SYT10: variants seen among roughly 807,000 people sequenced by gnomAD.
SYT10 encodes synaptotagmin-10.
In SYT10, 31 loss-of-function variants were observed where a neutral mutation model predicts 51.1. That is an observed-to-expected ratio of 0.61 (90% confidence interval 0.46 to 0.82). The LOEUF is 0.82. Ranked by LOEUF, SYT10 falls within the 40% of genes least tolerant of loss-of-function variation. The pLI is 0.00. For synonymous variants in SYT10, 233 were observed against 225.9 expected, an observed-to-expected ratio of 1.03 and a Z score of -0.28; for missense variants, 603 against 634.0, an observed-to-expected ratio of 0.95 and a Z score of 0.53.
chr12:33,395,143 G>C (rs1866244589), intron 3 of SYT10, among the ~76,000 whole-genome samples: 1 of 152,146 alleles, frequency 6.6e-6, no homozygotes, highest in Admixed American at 6.5e-5. Flanking sequence ...TACAATTTTA[G>C]TGGCCAGAAA....
intron 1 of SYT10, among the ~76,000 whole-genome samples, chr12:33,428,992 G>C (rs538951960): frequency 6.6e-6 from 1 of 152,164 alleles, no homozygotes; most frequent in East Asian, 1.9e-4. Flanking sequence ...CCTAGGGAAG[G>C]AGGAGAGAGG....
intron 6 of SYT10, among the ~76,000 whole-genome samples, chr12:33,377,853 C>T (rs553212674): frequency 1.5e-3 from 229 of 152,056 alleles, no homozygotes; most frequent in African/African-American, 5.3e-3. Context: ...GTCTTGAACT[C>T]CTGACCTCAA....
In SYT10 at chr12:33,401,361, G is replaced by C. The variant is rs1410037692; in HGVS notation, c.1077+5428C>G. On this transcript the variant is annotated intron_variant, in intron 3 of 6. Coordinates refer to ENST00000228567, the MANE Select transcript of SYT10 (RefSeq NM_198992.4). ...CTATGCTGGAGATGTTTCTATGCTC[G>C]TATTAGAGGTGGTTGGCTTGCCAGA... 3.9e-5 allele frequency among the ~76,000 whole-genome samples: 6 copies of C among 152,060 alleles called. 1 individual carries two copies. The highest frequency in any genetic ancestry group is 2.1e-4 in the South Asian group (1 of 4,828).
chr12:33,430,826 G>C (rs537474422), intron 1 of SYT10, among the ~76,000 whole-genome samples: 1 of 152,140 alleles, frequency 6.6e-6, no homozygotes, highest in African/African-American at 2.4e-5. Context: ...GCAACTCTTA[G>C]TCAAAGATGA....
chr12:33,392,807 A>G (rs944754538), intron 3 of SYT10, among the ~76,000 whole-genome samples: 14 of 151,752 alleles, frequency 9.2e-5, no homozygotes, highest in Non-Finnish European at 1.8e-4. Context: ...TAGAGACAGG[A>G]TAATTACAAA....
chr12:33,389,180 A>AG (rs1866182889), intron 3 of SYT10, among the ~76,000 whole-genome samples: 1 of 152,158 alleles, frequency 6.6e-6, no homozygotes, highest in East Asian at 1.9e-4. Context: ...GAGGAGAGTT[A>AG]GGCTTGATGT....
At chr12:33,422,687 G>A (rs1032985904) in intron 2 of SYT10, among the ~76,000 whole-genome samples, 2 of 151,538 alleles carry the variant, frequency 1.3e-5, no homozygotes, top group African/African-American at 4.9e-5. Context: ...TTTCCATCTA[G>A]AATGCACATC....
intron 1 of SYT10, among the ~76,000 whole-genome samples, chr12:33,436,274 C>G (rs1289645287): frequency 6.6e-6 from 1 of 151,998 alleles, no homozygotes; most frequent in Non-Finnish European, 1.5e-5. Context: ...TTGTATTTTC[C>G]CTAAGCATTC....
rs111904161 is a variant in SYT10 at position 33,428,464 on chromosome 12, A to G, written c.152-1969T>C. On this transcript the variant is annotated intron_variant, in intron 1 of 6. Transcript: ENST00000228567. ...GGGTATTCACAGAAGCTGGGAGAATATTTTAAGAAATGATAGTGTAAATCA... is the reference window on the plus strand; with the variant it reads ...GGGTATTCACAGAAGCTGGGAGAATGTTTTAAGAAATGATAGTGTAAATCA... Among the ~76,000 whole-genome samples, 619 of 152,356 alleles carry G rather than the reference A, an allele frequency of 4.1e-3. 2 individuals are homozygous for G. Among genetic ancestry groups the G allele is most frequent in the Middle Eastern group, 6.8e-3 (2 of 294 alleles).
chr12:33,426,598 G>C, intron 1 of SYT10, 103 bp from the exon 2 acceptor site: 1 of 1,079,134 alleles, frequency 9.3e-7, no homozygotes, highest in Non-Finnish European at 1.3e-6. Context: ...TCCTGATTCA[G>C]AATTTCAAAA....
chr12:33,393,305 T>C (rs1258800981), intron 3 of SYT10, among the ~76,000 whole-genome samples: 1 of 152,182 alleles, frequency 6.6e-6, no homozygotes, highest in Non-Finnish European at 1.5e-5. Flanking sequence ...CTCATACTGG[T>C]TAAGAGATAA....
At chr12:33,378,196 T>G (rs914247445) in intron 6 of SYT10, among the ~76,000 whole-genome samples, 1 of 152,206 alleles carries the variant, frequency 6.6e-6, no homozygotes, top group African/African-American at 2.4e-5. Flanking sequence ...AATAACTATC[T>G]GGGATCTTTT....
chr12:33,397,175 T>C (rs1866263712), intron 3 of SYT10, among the ~76,000 whole-genome samples: 1 of 152,278 alleles, frequency 6.6e-6, no homozygotes, highest in South Asian at 2.1e-4. Flanking sequence ...GGAAACATTT[T>C]CTTTCTTTAG....
chr12:33,430,005 C>T (rs957729721), intron 1 of SYT10, among the ~76,000 whole-genome samples: 1 of 152,182 alleles, frequency 6.6e-6, no homozygotes, highest in African/African-American at 2.4e-5. Context: ...CTCTAATTTT[C>T]ACTGTCTCCG....
chr12:33,379,662 G>T (rs1239209799), intron 6 of SYT10, among the ~76,000 whole-genome samples, 170 bp downstream of exon 6: 1 of 146,394 alleles, frequency 6.8e-6, no homozygotes, highest in African/African-American at 2.5e-5. Context: ...AAGGCACACA[G>T]AACTTTGAAT....
intron 3 of SYT10, among the ~76,000 whole-genome samples, chr12:33,402,564 G>A (rs1165985812): frequency 6.6e-6 from 1 of 152,272 alleles, no homozygotes; most frequent in Admixed American, 6.5e-5. Flanking sequence ...CTTTGTTAAA[G>A]TCCTTGAGTA....
chr12:33,399,157 C>A (rs1447726513), intron 3 of SYT10, among the ~76,000 whole-genome samples: 1 of 152,080 alleles, frequency 6.6e-6, no homozygotes, highest in Non-Finnish European at 1.5e-5. Flanking sequence ...TTCAAACAAC[C>A]CCAAATATTA....
chr12:33,406,909 A>T lies in SYT10; in HGVS notation c.957T>A (p.Tyr319Ter). Residue 319 changes from tyrosine to a stop codon, truncating the protein, a stop_gained, in exon 3 of 7, where the codon TAT (tyrosine) becomes TAA (stop). Coordinates refer to ENST00000228567, the MANE Select transcript of SYT10 (RefSeq NM_198992.4). LOFTEE classifies it high-confidence loss of function. The stretch of plus-strand genomic sequence containing the variant: ...CATGTCTAGAAAATCTGTCAAAATC[A>T]TACACACTGAAATGTAGTTTTCGGT... ...LSNRKLHFSV[Y>*]DFDRFSRHDM... 6.2e-7 allele frequency: 1 copy of T among 1,614,102 alleles called. No individual in the cohort carries two copies. The highest frequency in any genetic ancestry group is 8.5e-7 in the Non-Finnish European group (1 of 1,180,032).
chr12:33,438,075 A>T (rs1866652288), intron 1 of SYT10, among the ~76,000 whole-genome samples: 1 of 152,120 alleles, frequency 6.6e-6, no homozygotes, highest in Non-Finnish European at 1.5e-5. Flanking sequence ...CATGTGAACG[A>T]TGGAATGTAA....
Sources: allele counts gnomAD v4.1 joint callset (sites outside exome capture counted in the v4.1 genomes callset), GRCh38; gene constraint gnomAD v4.1.1; transcripts MANE v1.5; gene names NCBI Gene and HGNC (gene_info 2026-07-23, HGNC 2026-07-21).